Variants in SLC2A13 observed in about 807,000 individuals in gnomAD.
SLC2A13 encodes the protein solute carrier family 2 member 13.
A neutral mutation model predicts 64.4 loss-of-function variants in SLC2A13; 32 were observed. That is an observed-to-expected ratio of 0.50 (90% CI 0.37 to 0.67). The LOEUF is 0.67. Among genes scored for constraint, SLC2A13 ranks in the 30% least tolerant of loss-of-function variants. SLC2A13 has a pLI of 0.00. For synonymous variants in SLC2A13, 338 were observed against 327.1 expected (o/e 1.03, Z -0.36); for missense variants, 743 against 829.2 (o/e 0.90, Z 1.28).
At chr12:40,005,536 T>A (rs1947400511) in intron 3 of SLC2A13, among the ~76,000 whole-genome samples, 1 of 152,106 alleles carries the variant, frequency 6.6e-6, no homozygotes, top group African/African-American at 2.4e-5. Flanking sequence ...TACCTAAATC[T>A]GAAGTGGTTC....
chr12:39,810,730 TC>T (rs1942132009), intron 7 of SLC2A13, among the ~76,000 whole-genome samples: 1 of 152,292 alleles, frequency 6.6e-6, no homozygotes, highest in East Asian at 1.9e-4. Context: ...ATTAAGATGA[TC>T]ATATGATTTT....
intron 1 of SLC2A13, among the ~76,000 whole-genome samples, chr12:40,087,644 C>T (rs933011192): frequency 2.6e-5 from 4 of 152,052 alleles, no homozygotes; most frequent in African/African-American, 9.7e-5. Context: ...GGGATAAACA[C>T]AAAAACATGG....
At chr12:39,884,775 G>C (rs1362876671) in intron 4 of SLC2A13, among the ~76,000 whole-genome samples, 1 of 152,184 alleles carries the variant, frequency 6.6e-6, no homozygotes. Context: ...TAGTTAATCA[G>C]TGATGCCAAT....
At chr12:39,775,178 AAGGGT>A (rs1940733014) in intron 7 of SLC2A13, among the ~76,000 whole-genome samples, 1 of 152,116 alleles carries the variant, frequency 6.6e-6, no homozygotes, top group Admixed American at 6.5e-5. Flanking sequence ...CCCACAATGG[AAGGGT>A]AGTTAATGCA....
intron 3 of SLC2A13, among the ~76,000 whole-genome samples, chr12:39,995,281 G>A (rs1403855232): frequency 6.6e-6 from 1 of 152,146 alleles, no homozygotes; most frequent in Non-Finnish European, 1.5e-5. Flanking sequence ...ATTTGTTTGT[G>A]TTGGGTACAT....
At chr12:39,917,311 C>T (rs192315938) in intron 4 of SLC2A13, among the ~76,000 whole-genome samples, 46 of 152,122 alleles carry the variant, frequency 3.0e-4, no homozygotes, top group Middle Eastern at 3.4e-3. Flanking sequence ...ATGGCATGTG[C>T]AAAAGCATGC....
intron 3 of SLC2A13, among the ~76,000 whole-genome samples, chr12:40,001,620 CAAGTCTTCTGACATCT>C (rs1314222065): frequency 2.2e-4 from 34 of 152,192 alleles, no homozygotes; most frequent in African/African-American, 8.0e-4. Context: ...AATGAGAATG[CAAGTCTTCTGACATCT>C]AAGTCAGCAC....
At chr12:39,842,290 A>C (rs4293188) in intron 6 of SLC2A13, among the ~76,000 whole-genome samples, 94,791 of 152,004 alleles carry the variant, frequency 0.62, 29,732 homozygotes, top group East Asian at 0.77. Flanking sequence ...TATCCTGGTG[A>C]AGTATGCAGG....
chr12:40,086,033 T>G (rs1028844668), intron 1 of SLC2A13, among the ~76,000 whole-genome samples: 9 of 152,160 alleles, frequency 5.9e-5, no homozygotes, highest in Admixed American at 5.9e-4. Flanking sequence ...GCGACAGGGT[T>G]TCACCATATT....
At chr12:40,008,638 GA>G (rs1947466158) in intron 3 of SLC2A13, among the ~76,000 whole-genome samples, 1 of 151,330 alleles carries the variant, frequency 6.6e-6, no homozygotes, top group South Asian at 2.1e-4. Flanking sequence ...AGAATATGGA[GA>G]AACAATTAAA....
At chr12:39,792,779 T>C (rs189906464) in intron 7 of SLC2A13, among the ~76,000 whole-genome samples, 43 of 144,428 alleles carry the variant, frequency 3.0e-4, no homozygotes, top group African/African-American at 8.5e-4. Flanking sequence ...AACCCACTGA[T>C]ATGGAGGGCT....
rs116891204 is a variant in SLC2A13, at chr12:39,832,608, A to G, written c.1320-2380T>C. 7.9e-4 allele frequency among the ~76,000 whole-genome samples: 121 copies of G among 152,206 alleles called. 4 individuals carry two copies. The East Asian group carries it at 0.022, about 28-fold the overall frequency. ...TGTGACCTACTATGTGCCACACACT[A>G]TGCTAGGTGCTGGGACATGTGAGTG... On this transcript the variant is annotated intron_variant, in intron 6 of 9. Coordinates refer to ENST00000280871, the MANE Select transcript of SLC2A13 (RefSeq NM_052885.4).
At chr12:39,767,704 T>A (rs1250320636) in intron 7 of SLC2A13, among the ~76,000 whole-genome samples, 1 of 152,074 alleles carries the variant, frequency 6.6e-6, no homozygotes, top group Non-Finnish European at 1.5e-5. Context: ...GTAGTTCCCA[T>A]AGTCTCCACG....
intron 2 of SLC2A13, 149 bp from the exon 3 acceptor site, chr12:40,028,658 G>A (rs1472978095): frequency 1.0e-5 from 7 of 686,404 alleles, no homozygotes; most frequent in South Asian, 6.7e-5. Context: ...TCTGTCACTA[G>A]GAAAAAAGGA....
chr12:39,794,255 C>G (rs915831425), intron 7 of SLC2A13, among the ~76,000 whole-genome samples: 1 of 151,958 alleles, frequency 6.6e-6, no homozygotes, highest in Admixed American at 6.6e-5. Context: ...CCTATAAAAC[C>G]CCCTTATTCT....
chr12:39,889,940 A>C (rs1334045943), intron 4 of SLC2A13, among the ~76,000 whole-genome samples: 2 of 152,164 alleles, frequency 1.3e-5, no homozygotes, highest in Non-Finnish European at 2.9e-5. Flanking sequence ...TTGTATCTTC[A>C]TCAGCTTCTA....
At chr12:39,805,274 T>C (rs1366232245) in intron 7 of SLC2A13, among the ~76,000 whole-genome samples, 2 of 152,230 alleles carry the variant, frequency 1.3e-5, no homozygotes. Context: ...TCTGGCCTCA[T>C]TTGAAAAGGG....
chr12:39,807,414 T>C (rs920433560), intron 7 of SLC2A13, among the ~76,000 whole-genome samples: 3 of 152,204 alleles, frequency 2.0e-5, no homozygotes, highest in African/African-American at 7.2e-5. Context: ...AACTATACCA[T>C]AATTATGCAA....
chr12:39,923,789 A>G (rs1334844228), intron 4 of SLC2A13, among the ~76,000 whole-genome samples: 1 of 151,920 alleles, frequency 6.6e-6, no homozygotes, highest in Non-Finnish European at 1.5e-5. Flanking sequence ...GACTAGTAAC[A>G]AAAGCTTACC....
Sources: gnomAD v4.1 joint callset for allele counts (sites outside exome capture counted in the v4.1 genomes callset) on GRCh38, gnomAD v4.1.1 for gene constraint, MANE v1.5 for transcripts, NCBI Gene and HGNC (gene_info 2026-07-23, HGNC 2026-07-21) for gene names.